PDZRN4: variants seen among roughly 807,000 people sequenced by gnomAD.
PDZRN4 encodes the protein PDZ domain containing ring finger 4, also known as PDZ domain-containing RING finger protein 4.
PDZRN4 carries 70 observed loss-of-function variants against 99.0 expected under a neutral mutation model. The observed-to-expected ratio is 0.71, with a 90% CI of 0.58 to 0.86. PDZRN4 has a LOEUF of 0.86. PDZRN4 is among the 40% of genes least tolerant of loss of function. PDZRN4 has a pLI of 0.00. For missense variants in PDZRN4, 1,474 were observed against 1,331.2 expected (o/e 1.11, Z -1.67); for synonymous variants, 551 against 501.6 (o/e 1.10, Z -1.32).
At chr12:41,473,767 G>C (rs1446769074) in intron 3 of PDZRN4, among the ~76,000 whole-genome samples, 13 of 152,078 alleles carry the variant, frequency 8.5e-5, no homozygotes. Flanking sequence ...ATATCCAGTG[G>C]AGCTGTCCCC....
intron 3 of PDZRN4, among the ~76,000 whole-genome samples, chr12:41,415,721 C>T (rs1437384674): frequency 2.6e-5 from 4 of 152,122 alleles, no homozygotes; most frequent in African/African-American, 9.7e-5. Context: ...GTCCAGAAGG[C>T]ATGCTTTGCC....
chr12:41,432,582 C>A (rs1156271843), intron 3 of PDZRN4, among the ~76,000 whole-genome samples: 1 of 152,040 alleles, frequency 6.6e-6, no homozygotes, highest in East Asian at 1.9e-4. Context: ...GCTCAAAGAT[C>A]AATTAAATGT....
At chr12:41,558,431 C>A (rs1464658044) in intron 7 of PDZRN4, among the ~76,000 whole-genome samples, 3 of 152,312 alleles carry the variant, frequency 2.0e-5, no homozygotes, top group African/African-American at 7.2e-5. Context: ...CCTACTGTAC[C>A]TGGCACCCTT....
At chr12:41,562,933 T>C (rs769348458) in intron 7 of PDZRN4, among the ~76,000 whole-genome samples, 4 of 152,160 alleles carry the variant, frequency 2.6e-5, no homozygotes, top group Non-Finnish European at 4.4e-5. Flanking sequence ...CTTTAGGAAA[T>C]GGATAGATAT....
At chr12:41,486,931 C>T (rs923932340) in intron 3 of PDZRN4, among the ~76,000 whole-genome samples, 4 of 152,078 alleles carry the variant, frequency 2.6e-5, no homozygotes, top group South Asian at 4.2e-4. Context: ...TTCCAGCTAG[C>T]GGCAGGAGCA....
At chr12:41,398,397 A>T (rs1952265503) in intron 3 of PDZRN4, among the ~76,000 whole-genome samples, 1 of 138,662 alleles carries the variant, frequency 7.2e-6, no homozygotes, top group Non-Finnish European at 1.5e-5. Flanking sequence ...GTGATTAGAC[A>T]AAAAAAAAAG....
At chr12:41,348,804 C>A (rs2121032896) in intron 3 of PDZRN4, among the ~76,000 whole-genome samples, 1 of 152,000 alleles carries the variant, frequency 6.6e-6, no homozygotes, top group South Asian at 2.1e-4. Flanking sequence ...GACAGAGAAG[C>A]TACTGGGTTC....
intron 3 of PDZRN4, among the ~76,000 whole-genome samples, chr12:41,216,227 C>G (rs901793396): frequency 5.9e-5 from 9 of 151,836 alleles, no homozygotes; most frequent in African/African-American, 9.7e-5. Context: ...AATGAGTAAT[C>G]TAAATGTTCT....
At chr12:41,293,122 G>A (rs1462281047) in intron 3 of PDZRN4, among the ~76,000 whole-genome samples, 2 of 147,940 alleles carry the variant, frequency 1.4e-5, no homozygotes, top group South Asian at 2.2e-4. Flanking sequence ...GTTATTTTAT[G>A]GCCAGTTCTA....
chr12:41,403,526 C>G (rs573765207), intron 3 of PDZRN4, among the ~76,000 whole-genome samples: 4 of 152,084 alleles, frequency 2.6e-5, no homozygotes, highest in Non-Finnish European at 4.4e-5. Context: ...GGTTTTGGAT[C>G]CTAAGAGTTA....
At chr12:41,486,590 A>G (rs1263381447) in intron 3 of PDZRN4, among the ~76,000 whole-genome samples, 1 of 152,116 alleles carries the variant, frequency 6.6e-6, no homozygotes, top group Non-Finnish European at 1.5e-5. Context: ...CAATAATATG[A>G]GAAGGTAGCA....
chr12:41,366,732 C>T (rs955167625), intron 3 of PDZRN4, among the ~76,000 whole-genome samples: 5 of 152,100 alleles, frequency 3.3e-5, no homozygotes, highest in East Asian at 1.9e-4. Context: ...TAGATCCTCT[C>T]GGCATTTACT....
At chr12:41,440,277 A>G (rs886119084) in intron 3 of PDZRN4, among the ~76,000 whole-genome samples, 16 of 152,186 alleles carry the variant, frequency 1.1e-4, no homozygotes, top group Admixed American at 4.6e-4. Context: ...CTTATGAGCT[A>G]AGGCAAAATA....
At chr12:41,487,573 A>G (rs1937800793) in intron 3 of PDZRN4, among the ~76,000 whole-genome samples, 1 of 152,228 alleles carries the variant, frequency 6.6e-6, no homozygotes, top group South Asian at 2.1e-4. Flanking sequence ...CTCTAAAAAT[A>G]TGTTGGCTTC....
Position 41,238,077 on chromosome 12 carries a change from C to T in PDZRN4, c.843+43889C>T, listed in dbSNP as rs146808453. Among the ~76,000 whole-genome samples the T allele has an allele frequency of 1.3e-4, 20 of 152,168 alleles. No homozygotes were observed. The East Asian group carries it at 3.9e-3, about 29-fold the overall frequency. On this transcript the variant is annotated intron_variant, in intron 3 of 9. Transcript: ENST00000402685. ...ACTTTGAGCAGTACAGCCATTTTCA[C>T]GATATTGATTCTTTCTAACCATGAG... is the stretch of plus-strand genomic sequence containing the variant.
intron 7 of PDZRN4, among the ~76,000 whole-genome samples, chr12:41,559,087 C>T (rs1239637736): frequency 6.6e-6 from 1 of 152,062 alleles, no homozygotes; most frequent in African/African-American, 2.4e-5. Flanking sequence ...ATGTCAATGG[C>T]CCTGCCCTCA....
intron 3 of PDZRN4, among the ~76,000 whole-genome samples, chr12:41,368,932 T>C (rs931343046): frequency 6.6e-6 from 1 of 152,104 alleles, no homozygotes; most frequent in Non-Finnish European, 1.5e-5. Context: ...CATATTTACA[T>C]AAGTAAGAGA....
chr12:41,410,393 C>G (rs1218962256), intron 3 of PDZRN4, among the ~76,000 whole-genome samples: 1 of 152,184 alleles, frequency 6.6e-6, no homozygotes, highest in Admixed American at 6.5e-5. Context: ...GATGAATATT[C>G]TGAAACTTGT....
intron 3 of PDZRN4, among the ~76,000 whole-genome samples, chr12:41,460,768 A>G (rs1952865177): frequency 6.6e-6 from 1 of 152,206 alleles, no homozygotes; most frequent in Non-Finnish European, 1.5e-5. Context: ...GTTCCGCTAT[A>G]CTTTCTTGAG....
Sources: gnomAD v4.1 joint callset for allele counts (sites outside exome capture counted in the v4.1 genomes callset) on GRCh38, gnomAD v4.1.1 for gene constraint, MANE v1.5 for transcripts, NCBI Gene and HGNC (gene_info 2026-07-23, HGNC 2026-07-21) for gene names.